Variants in CCDC7 observed in about 807,000 individuals in gnomAD.
CCDC7 encodes the protein coiled-coil domain containing 7.
CCDC7 carries 183 observed loss-of-function variants against 196.9 expected under a neutral mutation model. The observed-to-expected ratio is 0.93, with a 90% CI of 0.82 to 1.05. The LOEUF is 1.05. Ranked by LOEUF, CCDC7 falls within the 50% of genes least tolerant of loss-of-function variation. The pLI, the probability that CCDC7 is intolerant of heterozygous loss-of-function variation, is 0.00. For synonymous variants in CCDC7, 525 were observed against 484.6 expected, an observed-to-expected ratio of 1.08 and a Z score of -1.10; for missense variants, 1,540 against 1,482.2, an observed-to-expected ratio of 1.04 and a Z score of -0.64.
At chr10:32,726,431 G>T (rs1454992452) in intron 25 of CCDC7, among the ~76,000 whole-genome samples, 2 of 151,654 alleles carry the variant, frequency 1.3e-5, no homozygotes, top group Non-Finnish European at 2.9e-5. Flanking sequence ...TTTATTGTTT[G>T]GTCTATTACT....
At chr10:32,819,003 C>CA (rs1203371454) in intron 31 of CCDC7, among the ~76,000 whole-genome samples, 1 of 151,860 alleles carries the variant, frequency 6.6e-6, no homozygotes, top group Non-Finnish European at 1.5e-5. Flanking sequence ...AATAACCCTT[C>CA]AAAAAAATCA....
intron 28 of CCDC7, among the ~76,000 whole-genome samples, chr10:32,776,534 C>G (rs1013935001): frequency 6.6e-6 from 1 of 152,040 alleles, no homozygotes; most frequent in African/African-American, 2.4e-5. Flanking sequence ...CAATTCATTC[C>G]AGGTTTTTAT....
rs74744218 is a variant in CCDC7 at position 32,460,211 on chromosome 10, A to G, written c.457-2472A>G. Among the ~76,000 whole-genome samples the G allele has an allele frequency of 8.1e-3, 1,236 of 152,316 alleles. 15 individuals are homozygous for G. Among genetic ancestry groups the G allele is most frequent in the Non-Finnish European group, 0.014 (954 of 68,008 alleles). On this transcript the variant is annotated intron_variant, in intron 3 of 41. Transcript: ENST00000639629. ...TTCAAACAGGGGCAAAATTTGGATC[A>G]TGTATACCTGACGTATATGTGTATT...
intron 11 of CCDC7, among the ~76,000 whole-genome samples, chr10:32,540,484 C>T (rs1342942675): frequency 6.6e-6 from 1 of 152,184 alleles, no homozygotes; most frequent in African/African-American, 2.4e-5. Flanking sequence ...CAGCTTGCCA[C>T]TCTGTACCTT....
At position 32,638,589 on chromosome 10, in the gene CCDC7, C is replaced by G. The variant is rs527939684; in HGVS notation, c.2014+3431C>G. On this transcript the variant is annotated intron_variant, in intron 20 of 41. Coordinates refer to ENST00000639629, the Ensembl canonical transcript of CCDC7. ...ATCCCAGGGATGAAGTCCACTTGATCATGGTGGATAAGCTTTCTGATGTGC... is the reference window on the plus strand; with the variant it reads ...ATCCCAGGGATGAAGTCCACTTGATGATGGTGGATAAGCTTTCTGATGTGC... 2.0e-5 allele frequency among the ~76,000 whole-genome samples: 3 copies of G among 152,322 alleles called. 1 individual carries two copies. The South Asian group carries it at 6.2e-4, about 32-fold the overall frequency.
At chr10:32,846,008 C>T (rs751633608) in intron 36 of CCDC7, 49 bp downstream of exon 37, 3 of 1,356,514 alleles carry the variant, frequency 2.2e-6, no homozygotes, top group Non-Finnish European at 3.1e-6. Context: ...ATTTATATTC[C>T]CTGAGTTAAA....
downstream of CCDC7, among the ~76,000 whole-genome samples, chr10:32,878,177 T>TATATGTGG (rs1175797020): frequency 6.6e-6 from 1 of 152,068 alleles, no homozygotes; most frequent in Non-Finnish European, 1.5e-5. Context: ...TTGGGCTCTT[T>TATATGTGG]ATATGTGGGT....
rs2080856102 is a variant in CCDC7 at position 32,711,635 on chromosome 10, C to G, written c.2474C>G (p.Ser825Ter). ...CTTAACATAGCTCATGATGAAGAAT[C>G]AGGTGAAAATCCTATGCTTAAACAT... The change falls in exon 25 of 42, where the codon TCA (serine) becomes TGA (stop). Residue 825 changes from serine to a stop codon, truncating the protein, a stop_gained. Coordinates refer to ENST00000639629, the Ensembl canonical transcript of CCDC7. LOFTEE classifies it high-confidence loss of function. 3.8e-6 allele frequency: 6 copies of G among 1,584,296 alleles called. No individual in the cohort carries two copies. Among genetic ancestry groups the G allele is most frequent in the Non-Finnish European group, 5.1e-6 (6 of 1,167,816 alleles).
chr10:32,873,562 G>A (rs1204969971), intron 41 of CCDC7, among the ~76,000 whole-genome samples: 1 of 151,794 alleles, frequency 6.6e-6, no homozygotes, highest in Non-Finnish European at 1.5e-5. Flanking sequence ...GTCCAGCTTT[G>A]TTCCATTCCT....
chr10:32,698,146 A>G (rs1421140748), intron 24 of CCDC7, among the ~76,000 whole-genome samples: 3 of 152,140 alleles, frequency 2.0e-5, no homozygotes, highest in Non-Finnish European at 4.4e-5. Flanking sequence ...ACAGAAAGGA[A>G]TGGCATCAAT....
At chr10:32,511,637 G>A (rs61856033) in intron 9 of CCDC7, 80,782 of 1,577,764 alleles carry the variant, frequency 0.051, 2,345 homozygotes, top group Non-Finnish European at 0.058. Context: ...AACAGACATC[G>A]TGGTCTTCAG....
intron 18 of CCDC7, among the ~76,000 whole-genome samples, chr10:32,603,875 T>C (rs1159766559): frequency 6.6e-6 from 1 of 152,174 alleles, no homozygotes; most frequent in Non-Finnish European, 1.5e-5. Flanking sequence ...AGGAATAGTT[T>C]GCAAATATTT....
chr10:32,686,124 G>A lies in CCDC7; in HGVS notation c.2233+44G>A, dbSNP rs747934366. On this transcript the variant is annotated intron_variant, in intron 22 of 41. Transcript: ENST00000639629. The stretch of plus-strand genomic sequence containing the variant: ...CATAACTTTACATTATTTTAAATTA[G>A]TCACAGCAAAGGTATTTTTCTTCAG... 4.9e-5 allele frequency: 49 copies of A among 993,660 alleles called. 1 individual carries two copies. The highest frequency in any genetic ancestry group is 7.1e-5 in the Non-Finnish European group (48 of 672,190). 61.6% of individuals were successfully genotyped at this position (993,660 alleles called of 1,614,324 possible).
At chr10:32,812,063 C>G (rs2087269259) in intron 30 of CCDC7, among the ~76,000 whole-genome samples, 1 of 152,044 alleles carries the variant, frequency 6.6e-6, no homozygotes, top group African/African-American at 2.4e-5. Context: ...GAATGTACCT[C>G]AAACTAATAA....
chr10:32,444,162 C>T (rs2030478694), upstream of CCDC7, among the ~76,000 whole-genome samples: 1 of 152,124 alleles, frequency 6.6e-6, no homozygotes, highest in East Asian at 1.9e-4. Context: ...ATCCTTGCCT[C>T]CTTCCAATCT....
chr10:32,854,622 C>T lies in CCDC7; in HGVS notation c.4111+133C>T, dbSNP rs145792892. ...AACCTTATGGGTGAGGCATGGTTTC[C>T]CAAACCTTTCTTCAAACAAGTAAAA... On this transcript the variant is annotated intron_variant, in intron 41 of 41. Coordinates refer to ENST00000639629, the Ensembl canonical transcript of CCDC7. 18 of 574,246 alleles carry T rather than the reference C, an allele frequency of 3.1e-5. No individual in the cohort carries two copies. In the Admixed American group the frequency reaches 3.3e-4, roughly 10 times the overall value. The allele number at this position is 574,246 out of a possible 1,614,324, so 35.6% of individuals were successfully genotyped here.
intron 25 of CCDC7, among the ~76,000 whole-genome samples, chr10:32,717,649 A>G (rs2081817043): frequency 6.6e-6 from 1 of 152,192 alleles, no homozygotes; most frequent in Non-Finnish European, 1.5e-5. Flanking sequence ...TAAAGAGGAA[A>G]CGAGAGAAGA....
At chr10:32,663,592 C>T (rs1291494585) in intron 20 of CCDC7, among the ~76,000 whole-genome samples, 1 of 152,010 alleles carries the variant, frequency 6.6e-6, no homozygotes, top group East Asian at 1.9e-4. Flanking sequence ...ACTTTTAGAG[C>T]TTCCTGTACA....
intron 20 of CCDC7, among the ~76,000 whole-genome samples, chr10:32,653,292 A>G (rs1010611439): frequency 6.6e-6 from 1 of 152,096 alleles, no homozygotes. Context: ...GCACTGGCCT[A>G]GAATCAAGGA....
Sources: allele counts gnomAD v4.1 joint callset (sites outside exome capture counted in the v4.1 genomes callset), GRCh38; gene constraint gnomAD v4.1.1; transcripts MANE v1.5; gene names NCBI Gene and HGNC (gene_info 2026-07-23, HGNC 2026-07-21).